KIAA0930: variants seen among roughly 807,000 people sequenced by gnomAD.
KIAA0930 encodes KIAA0930.
A neutral mutation model predicts 43.9 loss-of-function variants in KIAA0930; 24 were observed. The ratio of observed to expected loss-of-function variants is 0.55; its 90% CI spans 0.40 to 0.77. KIAA0930 has a LOEUF of 0.77. Among genes scored for constraint, KIAA0930 ranks in the 30% least tolerant of loss-of-function variants. The probability of loss-of-function intolerance (pLI) is 0.00; values close to 1 mark genes in which losing one functional copy is unlikely to be tolerated. For synonymous variants in KIAA0930, 259 were observed against 216.4 expected, an observed-to-expected ratio of 1.20 and a Z score of -1.73; for missense variants, 461 against 574.2, an observed-to-expected ratio of 0.80 and a Z score of 2.02.
chr22:45,221,188 C>T (rs2083765500), intron 1 of KIAA0930, among the ~76,000 whole-genome samples: 1 of 152,176 alleles, frequency 6.6e-6, no homozygotes, highest in African/African-American at 2.4e-5. Context: ...GATTTTTCTC[C>T]ACAGCACTTG....
At chr22:45,230,039 T>C (rs1180971817) in intron 1 of KIAA0930, among the ~76,000 whole-genome samples, 4 of 152,128 alleles carry the variant, frequency 2.6e-5, no homozygotes, top group African/African-American at 9.7e-5. Context: ...GAGGGCGCAG[T>C]GAGCCGAGAT....
chr22:45,235,353 G>A (rs1228718110), intron 1 of KIAA0930: 2 of 152,246 alleles, frequency 1.3e-5, no homozygotes, highest in Non-Finnish European at 2.9e-5. Context: ...CCGTCCGGAA[G>A]GACACAGAGT....
At position 45,206,466 on chromosome 22, in the gene KIAA0930, C is replaced by T. The variant is rs1015041149; in HGVS notation, c.217-554G>A. Among the ~76,000 whole-genome samples, 9 of 152,200 alleles carry T rather than the reference C, an allele frequency of 5.9e-5. No homozygotes were observed. In the South Asian group the frequency reaches 1.9e-3, roughly 31 times the overall value. ...AGTTGTCATAATGATTTAAAGAGCT[C>T]ATATTTGCTAAGTGGCATCAATGAT... On this transcript the variant is annotated intron_variant, in intron 2 of 9. Coordinates refer to ENST00000336156, the MANE Select transcript of KIAA0930 (RefSeq NM_001009880.2).
chr22:45,203,780 C>A lies in KIAA0930; in HGVS notation c.657+65G>T, dbSNP rs902090811. On this transcript the variant is annotated intron_variant, in intron 6 of 9. Coordinates refer to ENST00000336156, the MANE Select transcript of KIAA0930 (RefSeq NM_001009880.2). ...CTGGGGGGCCCCATGGTATGGACCACGGTGGGCTGTGGAGCCGCCGTCCCC... is the reference window on the plus strand; with the variant it reads ...CTGGGGGGCCCCATGGTATGGACCAAGGTGGGCTGTGGAGCCGCCGTCCCC... 4.5e-6 allele frequency: 7 copies of A among 1,560,748 alleles called. No homozygotes were observed. In the East Asian group the frequency reaches 1.4e-4, roughly 31 times the overall value.
intron 8 of KIAA0930, among the ~76,000 whole-genome samples, chr22:45,198,832 G>T (rs894168106): frequency 1.5e-4 from 23 of 152,100 alleles, no homozygotes; most frequent in African/African-American, 5.1e-4. Context: ...TGTATTTTTA[G>T]TAGAGACAGG....
At chr22:45,211,454 C>G in intron 2 of KIAA0930, 1 of 400,712 alleles carries the variant, frequency 2.5e-6, no homozygotes, top group Non-Finnish European at 4.4e-6. Flanking sequence ...GTAAGAACAC[C>G]CACCCTGTCG....
At position 45,211,974 on chromosome 22, in the gene KIAA0930, G is replaced by A. The variant is rs56194783; in HGVS notation, c.198C>T (p.Ser66=). The change falls in exon 2 of 10, where the codon AGC becomes AGT. Residue 66 remains serine, a synonymous_variant. Transcript: ENST00000336156. Reference sequence around the variant, plus strand: ...CACTCACCTTCCTCCCGTCTGCACCGCTTTCGCTGCCGGAGTACGCCAGCT... The same window carrying A: ...CACTCACCTTCCTCCCGTCTGCACCACTTTCGCTGCCGGAGTACGCCAGCT... The part of the protein sequence containing the change: ...RRKLAYSGSE[S]GADGRKAAEP... The A allele has an allele frequency of 0.012, 19,910 of 1,612,242 alleles. 145 individuals carry two copies. Among genetic ancestry groups the A allele is most frequent in the Non-Finnish European group, 0.015 (17,549 of 1,180,010 alleles).
chr22:45,208,506 A>T (rs1205645922), intron 2 of KIAA0930, among the ~76,000 whole-genome samples: 1 of 151,710 alleles, frequency 6.6e-6, no homozygotes, highest in Non-Finnish European at 1.5e-5. Flanking sequence ...CTGTAAGAAC[A>T]GGCAGAACCC....
At chr22:45,198,247 C>T (rs1443612893) in intron 8 of KIAA0930, among the ~76,000 whole-genome samples, 1 of 152,226 alleles carries the variant, frequency 6.6e-6, no homozygotes, top group Non-Finnish European at 1.5e-5. Flanking sequence ...GGCACACACA[C>T]TGTGTAATTC....
intron 1 of KIAA0930, among the ~76,000 whole-genome samples, chr22:45,222,888 T>A (rs1016559642): frequency 6.6e-6 from 1 of 152,210 alleles, no homozygotes; most frequent in Non-Finnish European, 1.5e-5. Context: ...AAATTCTATT[T>A]TCCATCTATC....
chr22:45,207,551 T>G (rs1164026601), intron 2 of KIAA0930: 2 of 165,676 alleles, frequency 1.2e-5, no homozygotes, highest in Non-Finnish European at 2.9e-5. Flanking sequence ...CTCAAACTCC[T>G]GACCTCAAGT....
rs1486823130 is a variant in KIAA0930, at chr22:45,197,202, G to T, written c.1189C>A (p.Arg397=). The T allele has an allele frequency of 6.5e-7, 1 of 1,550,366 alleles. No homozygotes were observed. The highest frequency in any genetic ancestry group is 8.7e-7 in the Non-Finnish European group (1 of 1,146,426). Residue 397 remains arginine, a synonymous_variant, in exon 10 of 10, where the codon CGG becomes AGG. Coordinates refer to ENST00000336156, the MANE Select transcript of KIAA0930 (RefSeq NM_001009880.2). The part of the protein sequence containing the change: ...HRILTDILEV[R]QKPILMT ...TAGGTCATCAGGATGGGCTTCTGCC[G>T]AACTTCCAGGATGTCTAGGGCCGGC... is the stretch of plus-strand genomic sequence containing the variant.
At chr22:45,212,154 C>A (rs1187979327) in intron 1 of KIAA0930, 47 bp from the exon 2 acceptor site, 4 of 1,613,536 alleles carry the variant, frequency 2.5e-6, no homozygotes, top group Non-Finnish European at 2.5e-6. Flanking sequence ...GCCACCCTGG[C>A]CCTTGCAGCA....
Position 45,199,911 on chromosome 22 carries a change from T to C in KIAA0930, c.977A>G (p.Asn326Ser), listed in dbSNP as rs2147734934. Residue 326 changes from asparagine (N) to serine (S), a missense_variant, in exon 8 of 10, where the codon AAC becomes AGC. Physicochemically the swap from Asn to Ser is conservative, Grantham distance 46. Coordinates refer to ENST00000336156, the MANE Select transcript of KIAA0930 (RefSeq NM_001009880.2). ...IAEMKKSHSANDSEEFFREDD... is the reference protein window; with the variant it reads ...IAEMKKSHSASDSEEFFREDD... ...CTCCCGGAAGAACTCCTCGCTGTCG[T>C]TGGCCGAGTGCGACTTCTTCATCTC... 1 of 1,603,402 alleles carries C rather than the reference T, an allele frequency of 6.2e-7. No homozygotes were observed. The highest frequency in any genetic ancestry group is 1.1e-5 in the South Asian group (1 of 90,162).
chr22:45,209,535 G>T lies in KIAA0930; in HGVS notation c.216+2421C>A, dbSNP rs982596381. ...TCTGCACTCACTGGTCCCTCCACGG[G>T]GCGTGTCCTCAGCCCACTGCTGCCC... On this transcript the variant is annotated intron_variant, in intron 2 of 9. Transcript: ENST00000336156. Among the ~76,000 whole-genome samples, 19 of 152,260 alleles carry T rather than the reference G, an allele frequency of 1.2e-4. No individual in the cohort carries two copies. In the East Asian group the frequency reaches 3.7e-3, roughly 29 times the overall value.
chr22:45,205,825 C>T lies in KIAA0930; in HGVS notation c.304G>A (p.Glu102Lys), dbSNP rs546894038. The T allele has an allele frequency of 1.9e-6, 3 of 1,582,012 alleles. No homozygotes were observed. Among genetic ancestry groups the T allele is most frequent in the African/African-American group, 1.4e-5 (1 of 72,786 alleles). Residue 102 changes from glutamate (E) to lysine (K), a missense_variant, in exon 3 of 10, where the codon GAG becomes AAG. By Grantham distance (56) the Glu-to-Lys change is moderately conservative. Coordinates refer to ENST00000336156, the MANE Select transcript of KIAA0930 (RefSeq NM_001009880.2). ...GLGDPDIDWE[E>K]SVCLNLILQK... ...AGGATGAGATTCAGGCAGACGCTCT[C>T]CTCCCAGTCGATGTCAGGGTCTCCC...
At chr22:45,231,395 A>G (rs2055361331) in intron 1 of KIAA0930, among the ~76,000 whole-genome samples, 1 of 152,116 alleles carries the variant, frequency 6.6e-6, no homozygotes, top group Admixed American at 6.5e-5. Context: ...GAAGAAAGAT[A>G]GTTTTCACCT....
At chr22:45,226,464 T>A (rs1312678040) in intron 1 of KIAA0930, 2 of 389,398 alleles carry the variant, frequency 5.1e-6, no homozygotes, top group South Asian at 1.9e-5. Context: ...GGGGCTCCCA[T>A]AAAGCATCCT....
At chr22:45,223,139 G>T (rs79212046) in intron 1 of KIAA0930, among the ~76,000 whole-genome samples, 3,093 of 152,226 alleles carry the variant, frequency 0.02, 101 homozygotes, top group African/African-American at 0.07. Flanking sequence ...ATAGTGGAGT[G>T]GTCCTATCAA....
Sources: gnomAD v4.1 joint callset for allele counts (sites outside exome capture counted in the v4.1 genomes callset) on GRCh38, gnomAD v4.1.1 for gene constraint, MANE v1.5 for transcripts, NCBI Gene and HGNC (gene_info 2026-07-23, HGNC 2026-07-21) for gene names.